Variants in COPS3 observed in about 807,000 individuals in gnomAD.
COPS3 encodes COP9 signalosome subunit 3, also known as COP9 signalosome complex subunit 3.
In COPS3, 10 loss-of-function variants were observed where a neutral mutation model predicts 58.2. That is an observed-to-expected ratio of 0.17 (90% CI 0.11 to 0.29). COPS3 has a LOEUF of 0.29. COPS3 is among the 10% of genes least tolerant of loss of function. The probability of loss-of-function intolerance (pLI) is 1.00; values close to 1 mark genes in which losing one functional copy is unlikely to be tolerated. For synonymous variants in COPS3, 187 were observed against 181.7 expected (o/e 1.03, Z -0.24); for missense variants, 333 against 510.1 (o/e 0.65, Z 3.34).
At chr17:17,255,613 G>C (rs1367460685) in intron 8 of COPS3, among the ~76,000 whole-genome samples, 3 of 151,974 alleles carry the variant, frequency 2.0e-5, no homozygotes, top group Admixed American at 2.0e-4. Flanking sequence ...GCCGAGGTGG[G>C]TGGATCAATT....
At position 17,262,070 on chromosome 17, in the gene COPS3, T is replaced by C. The variant is rs200577855; in HGVS notation, c.658A>G (p.Met220Val). 12 of 1,611,504 alleles carry C rather than the reference T, an allele frequency of 7.4e-6. No homozygotes were observed. Among genetic ancestry groups the C allele is most frequent in the Non-Finnish European group, 1.0e-5 (12 of 1,179,244 alleles). ...TTPAMAVSHI[M>V]LESYKKYILV... is the part of the protein sequence containing the mutation. ...ATATACTTTTTATATGATTCCAACA[T>C]GATATGACTGACCGCCATGGCAGGA... The change falls in exon 7 of 12, where the codon ATG becomes GTG. Residue 220 changes from methionine (M) to valine (V), a missense_variant. Coordinates refer to ENST00000268717, the MANE Select transcript of COPS3 (RefSeq NM_003653.4).
chr17:17,280,994 ACGC>A, intron 1 of COPS3, 135 bp downstream of exon 1: 16 of 1,065,188 alleles, frequency 1.5e-5, no homozygotes, highest in Non-Finnish European at 2.1e-5. Context: ...CCTGATCTAA[ACGC>A]CGCAACCCCA....
intron 1 of COPS3, among the ~76,000 whole-genome samples, chr17:17,280,417 G>C (rs1449376473): frequency 6.7e-6 from 1 of 148,456 alleles, no homozygotes; most frequent in East Asian, 2.0e-4. Context: ...AAAAAAAGCC[G>C]TGTGAGCTGG....
intron 1 of COPS3, among the ~76,000 whole-genome samples, chr17:17,280,293 C>T (rs540745574): frequency 2.0e-5 from 3 of 152,246 alleles, no homozygotes; most frequent in Admixed American, 6.5e-5. Flanking sequence ...ATCCCAGCTA[C>T]TCGGGAGGCT....
At position 17,264,975 on chromosome 17, in the gene COPS3, A is replaced by C. The variant is rs1323646228; in HGVS notation, c.448T>G (p.Leu150Val). The C allele has an allele frequency of 6.2e-7, 1 of 1,611,354 alleles. No individual in the cohort carries two copies. The highest frequency in any genetic ancestry group is 1.3e-5 in the African/African-American group (1 of 74,792). ...GCAGGCTTAAAGCATTTTGCTAGCA[A>C]ACAAAGCTGTGAACAAATTGATATT... is the stretch of plus-strand genomic sequence containing the variant. ...SIHADLCQLC[L>V]LAKCFKPALP... Residue 150 changes from leucine (L) to valine (V), a missense_variant, in exon 6 of 12, where the codon TTG (leucine) becomes GTG (valine). Coordinates refer to ENST00000268717, the MANE Select transcript of COPS3 (RefSeq NM_003653.4).
At chr17:17,267,343 A>G (rs966958394) in intron 5 of COPS3, among the ~76,000 whole-genome samples, 2 of 149,128 alleles carry the variant, frequency 1.3e-5, no homozygotes, top group African/African-American at 4.9e-5. Context: ...AAAAAAAAAA[A>G]AAAAGTTACA....
Position 17,267,877 on chromosome 17 carries a change from T to C in COPS3, c.441+8A>G, listed in dbSNP as rs570136383. ...ACTTGGTGTGAATCACACACTTTGGTTGCTTACCTGGCAGAGATCAGCATG... is the reference window on the plus strand; with the variant it reads ...ACTTGGTGTGAATCACACACTTTGGCTGCTTACCTGGCAGAGATCAGCATG... On this transcript the variant is annotated splice_region_variant and intron_variant, in intron 5 of 11. Coordinates refer to ENST00000268717, the MANE Select transcript of COPS3 (RefSeq NM_003653.4). 2.1e-5 allele frequency: 34 copies of C among 1,613,056 alleles called. No individual in the cohort carries two copies. In the African/African-American group the frequency reaches 4.0e-4, roughly 19 times the overall value.
chr17:17,253,291 T>C (rs1409849980), intron 9 of COPS3, among the ~76,000 whole-genome samples: 12 of 152,140 alleles, frequency 7.9e-5, no homozygotes. Context: ...ATATGAAGCT[T>C]TGCCTGTCCT....
intron 1 of COPS3, among the ~76,000 whole-genome samples, chr17:17,279,337 G>A (rs2048527306): frequency 6.6e-6 from 1 of 152,056 alleles, no homozygotes; most frequent in Non-Finnish European, 1.5e-5. Flanking sequence ...ATTGGCCCAG[G>A]GAAATTAAGT....
At chr17:17,279,587 G>A (rs1244072650) in intron 1 of COPS3, among the ~76,000 whole-genome samples, 1 of 152,166 alleles carries the variant, frequency 6.6e-6, no homozygotes, top group Non-Finnish European at 1.5e-5. Flanking sequence ...TTACACCAGT[G>A]AGGTAAAAGC....
At chr17:17,251,830 A>T (rs1769004520) in intron 9 of COPS3, among the ~76,000 whole-genome samples, 1 of 152,072 alleles carries the variant, frequency 6.6e-6, no homozygotes, top group African/African-American at 2.4e-5. Context: ...TCATGCCTGT[A>T]ATCCCAGCAC....
chr17:17,247,252 A>T, intron 11 of COPS3, 101 bp from the exon 12 acceptor site: 2 of 1,189,224 alleles, frequency 1.7e-6, no homozygotes, highest in Non-Finnish European at 1.3e-6. Flanking sequence ...CCCAGAACAA[A>T]GCCCCCTGTG....
At chr17:17,275,941 CA>C (rs2145259873) in intron 2 of COPS3, 93 bp downstream of exon 2, 13 of 1,262,888 alleles carry the variant, frequency 1.0e-5, no homozygotes, top group Admixed American at 2.4e-5. Context: ...AACTCCATCT[CA>C]AAAAATATAA....
chr17:17,247,254 C>T (rs552854645), intron 11 of COPS3, 103 bp from the exon 12 acceptor site: 44 of 1,170,286 alleles, frequency 3.8e-5, no homozygotes, highest in Admixed American at 8.5e-5. Flanking sequence ...CAGAACAAAG[C>T]CCCCTGTGAA....
intron 1 of COPS3, among the ~76,000 whole-genome samples, chr17:17,278,584 A>T (rs1307633510): frequency 1.3e-5 from 2 of 152,216 alleles, no homozygotes; most frequent in Non-Finnish European, 2.9e-5. Context: ...TACAGATCTC[A>T]CTGGTAGGTA....
rs1437163443 is a variant in COPS3 at position 17,268,210 on chromosome 17, G to C, written c.349-233C>G. Reference sequence around the variant, plus strand: ...AGCACCATTTTTTAAATCATAAAAAGCTTTTATTTTTACAATGAAGATCAA... The same window carrying C: ...AGCACCATTTTTTAAATCATAAAAACCTTTTATTTTTACAATGAAGATCAA... On this transcript the variant is annotated intron_variant, in intron 4 of 11. Coordinates refer to ENST00000268717, the MANE Select transcript of COPS3 (RefSeq NM_003653.4). 2.0e-5 allele frequency among the ~76,000 whole-genome samples: 3 copies of C among 152,078 alleles called. No homozygotes were observed. The East Asian group carries it at 5.8e-4, about 29-fold the overall frequency.
At chr17:17,279,140 C>T (rs2048522615) in intron 1 of COPS3, among the ~76,000 whole-genome samples, 1 of 152,170 alleles carries the variant, frequency 6.6e-6, no homozygotes, top group Non-Finnish European at 1.5e-5. Flanking sequence ...TCCCAAAGTG[C>T]TGGAATTACA....
In COPS3 at chr17:17,247,159, G is replaced by C; in HGVS notation, c.1219-8C>G. ...TTCTTGTGAGCCCATACTCTGTAAAGGTAAAGTGAAGTTATGTATTTATGT... is the reference window on the plus strand; with the variant it reads ...TTCTTGTGAGCCCATACTCTGTAAACGTAAAGTGAAGTTATGTATTTATGT... On this transcript the variant is annotated splice_polypyrimidine_tract_variant and splice_region_variant and intron_variant, in intron 11 of 11. Transcript: ENST00000268717. 2 of 1,613,274 alleles carry C rather than the reference G, an allele frequency of 1.2e-6. No homozygotes were observed. The highest frequency in any genetic ancestry group is 1.7e-6 in the Non-Finnish European group (2 of 1,179,244).
intron 2 of COPS3, among the ~76,000 whole-genome samples, chr17:17,272,519 T>C (rs1055551003): frequency 7.2e-5 from 11 of 152,232 alleles, no homozygotes; most frequent in Non-Finnish European, 1.0e-4. Context: ...TTTATCTGAA[T>C]ACTTTTATCC....
Sources: allele counts gnomAD v4.1 joint callset (sites outside exome capture counted in the v4.1 genomes callset), GRCh38; gene constraint gnomAD v4.1.1; transcripts MANE v1.5; gene names NCBI Gene and HGNC (gene_info 2026-07-23, HGNC 2026-07-21).